The following PKP4 variants were observed in gnomAD, a reference collection of about 807,000 sequenced individuals.
PKP4 encodes the protein plakophilin-4.
PKP4 carries 90 observed loss-of-function variants against 145.1 expected under a neutral mutation model. The ratio of observed to expected loss-of-function variants is 0.62; its 90% CI spans 0.52 to 0.74. The LOEUF (loss-of-function observed/expected upper bound fraction) is 0.74. Among genes scored for constraint, PKP4 ranks in the 30% least tolerant of loss-of-function variants. PKP4 has a pLI of 0.00. For missense variants in PKP4, 1,340 were observed against 1,482.7 expected (o/e 0.90, Z 1.58); for synonymous variants, 563 against 577.2 (o/e 0.98, Z 0.35).
At chr2:158,662,638 T>G in intron 13 of PKP4, 1 of 307,232 alleles carries the variant, frequency 3.3e-6, no homozygotes. Flanking sequence ...AGAGAAACAC[T>G]GGGCCGGAGC....
At chr2:158,565,465 A>G (rs72936974) in intron 2 of PKP4, among the ~76,000 whole-genome samples, 16,569 of 120,942 alleles carry the variant, frequency 0.14, 1,226 homozygotes, top group Middle Eastern at 0.22. Flanking sequence ...TTTCTGCCCT[A>G]TAGATCTAAC....
chr2:158,564,022 T>C (rs764327890), intron 2 of PKP4, among the ~76,000 whole-genome samples: 3 of 152,214 alleles, frequency 2.0e-5, no homozygotes, highest in Admixed American at 6.5e-5. Flanking sequence ...TTTTCTTTTC[T>C]TTCTGCTTAA....
chr2:158,482,439 G>A (rs570275788), intron 1 of PKP4, among the ~76,000 whole-genome samples: 1 of 152,048 alleles, frequency 6.6e-6, no homozygotes, highest in Non-Finnish European at 1.5e-5. Flanking sequence ...ACATACCACC[G>A]CACCTGGTTT....
Position 158,658,251 on chromosome 2 carries a change from A to G in PKP4, c.2030A>G (p.Asp677Gly). ...PHSGWNNSSF[D>G]DDHKIKFQTS... is the part of the protein sequence containing the mutation. ...TCTGGATGGAATAACTCTTCTTTTG[A>G]TGATGATCATAAAATTAAATTTCAG... is the stretch of plus-strand genomic sequence containing the variant. Residue 677 changes from aspartate to glycine, a missense_variant, in exon 12 of 22, where the codon GAT becomes GGT. Coordinates refer to ENST00000389759, the MANE Select transcript of PKP4 (RefSeq NM_003628.6). The G allele has an allele frequency of 1.9e-6, 3 of 1,606,566 alleles. No homozygotes were observed. The highest frequency in any genetic ancestry group is 2.6e-6 in the Non-Finnish European group (3 of 1,173,830).
rs747977498 is a variant in PKP4 at position 158,658,282 on chromosome 2, A to T, written c.2061A>T (p.Ser687=). The part of the protein sequence containing the change: ...DDDHKIKFQT[S]LVLRNTTGCL... Reference sequence around the variant, plus strand: ...ATCATAAAATTAAATTTCAGACTTCACTAGTTCTGCGTAACACGACAGGTT... The same window carrying T: ...ATCATAAAATTAAATTTCAGACTTCTCTAGTTCTGCGTAACACGACAGGTT... The change falls in exon 12 of 22, where the codon TCA becomes TCT. Residue 687 remains serine (S), a synonymous_variant. Coordinates refer to ENST00000389759, the MANE Select transcript of PKP4 (RefSeq NM_003628.6). 1.2e-6 allele frequency: 2 copies of T among 1,606,470 alleles called. No homozygotes were observed. Among genetic ancestry groups the T allele is most frequent in the Admixed American group, 3.4e-5 (2 of 59,466 alleles).
intron 11 of PKP4, among the ~76,000 whole-genome samples, chr2:158,649,283 G>A (rs559759826): frequency 4.6e-5 from 7 of 152,206 alleles, no homozygotes; most frequent in Admixed American, 3.9e-4. Context: ...GGCTGGAGGT[G>A]TTTCTTCCCT....
At chr2:158,471,243 G>C (rs1212084734) in intron 1 of PKP4, among the ~76,000 whole-genome samples, 1 of 152,172 alleles carries the variant, frequency 6.6e-6, no homozygotes, top group Non-Finnish European at 1.5e-5. Context: ...AAAGAAATCA[G>C]GGAGTAAGGA....
intron 7 of PKP4, among the ~76,000 whole-genome samples, chr2:158,630,751 A>G (rs1236005535): frequency 1.3e-5 from 2 of 152,250 alleles, no homozygotes; most frequent in Non-Finnish European, 2.9e-5. Context: ...AGCAGCATGA[A>G]CCACTGCTCA....
intron 3 of PKP4, among the ~76,000 whole-genome samples, chr2:158,600,925 C>T (rs2050173194): frequency 6.6e-6 from 1 of 152,142 alleles, no homozygotes; most frequent in South Asian, 2.1e-4. Context: ...AACCAAAGGT[C>T]CTTTCAGCAG....
intron 3 of PKP4, among the ~76,000 whole-genome samples, chr2:158,585,388 T>G (rs3771624): frequency 0.71 from 108,710 of 152,110 alleles, 40,073 homozygotes; most frequent in Non-Finnish European, 0.8. Context: ...TTAATGAAAA[T>G]ATTTGATTCC....
At chr2:158,590,964 C>T (rs937745958) in intron 3 of PKP4, among the ~76,000 whole-genome samples, 12 of 152,084 alleles carry the variant, frequency 7.9e-5, no homozygotes, top group African/African-American at 2.9e-4. Flanking sequence ...AAGTATGTAA[C>T]GTCACCCATG....
chr2:158,666,678 G>A, intron 16 of PKP4, 115 bp downstream of exon 16: 1 of 854,370 alleles, frequency 1.2e-6, no homozygotes, highest in Non-Finnish European at 1.7e-6. Flanking sequence ...CTGAGCCCTA[G>A]TCTCCAGTTT....
At position 158,533,255 on chromosome 2, in the gene PKP4, C is replaced by T. The variant is rs1302953656; in HGVS notation, c.71C>T (p.Thr24Ile). 6.2e-7 allele frequency: 1 copy of T among 1,614,160 alleles called. No individual in the cohort carries two copies. Among genetic ancestry groups the T allele is most frequent in the Non-Finnish European group, 8.5e-7 (1 of 1,180,028 alleles). Reference sequence around the variant, plus strand: ...CAGACCCGCCAGGAAGCTGCCTCCACTGGCCCAGGCATGGAACCCGAGACC... The same window carrying T: ...CAGACCCGCCAGGAAGCTGCCTCCATTGGCCCAGGCATGGAACCCGAGACC... ...QPQTRQEAAS[T>I]GPGMEPETTA... Residue 24 changes from threonine to isoleucine, a missense_variant, in exon 2 of 22, where the codon ACT (threonine) becomes ATT (isoleucine). Thr to Ile is a moderately conservative substitution (Grantham distance 89). Coordinates refer to ENST00000389759, the MANE Select transcript of PKP4 (RefSeq NM_003628.6).
intron 8 of PKP4, among the ~76,000 whole-genome samples, chr2:158,633,306 A>G (rs898892799): frequency 2.0e-5 from 3 of 152,244 alleles, no homozygotes; most frequent in Non-Finnish European, 4.4e-5. Context: ...CAACAATAAC[A>G]AAGAATGAAA....
chr2:158,643,981 GT>G (rs1175602948), intron 11 of PKP4, among the ~76,000 whole-genome samples: 2 of 152,086 alleles, frequency 1.3e-5, no homozygotes, highest in Non-Finnish European at 2.9e-5. Context: ...GGCCAGACTG[GT>G]CTCCAACTTC....
intron 1 of PKP4, among the ~76,000 whole-genome samples, chr2:158,523,970 T>C (rs2042696819): frequency 1.3e-5 from 1 of 74,478 alleles, no homozygotes; most frequent in Non-Finnish European, 2.6e-5. Flanking sequence ...CTCCAAGAAA[T>C]ATGGGACTAT....
chr2:158,619,054 G>A (rs922278315), intron 4 of PKP4, among the ~76,000 whole-genome samples: 5 of 152,088 alleles, frequency 3.3e-5, no homozygotes, highest in East Asian at 1.9e-4. Flanking sequence ...CAGGGTTTCC[G>A]TCCCTGATGG....
intron 14 of PKP4, 64 bp downstream of exon 14, chr2:158,663,152 T>C: frequency 2.0e-6 from 3 of 1,518,618 alleles, no homozygotes; most frequent in South Asian, 1.3e-5. Context: ...GAATCACATA[T>C]TTGGCAAGAA....
chr2:158,661,704 C>G (rs1282755180), intron 13 of PKP4: 1 of 320,780 alleles, frequency 3.1e-6, no homozygotes, highest in African/African-American at 2.1e-5. Context: ...TAGGCTCATT[C>G]TCAGGGTGGT....
Sources: gnomAD v4.1 joint callset for allele counts (sites outside exome capture counted in the v4.1 genomes callset) on GRCh38, gnomAD v4.1.1 for gene constraint, MANE v1.5 for transcripts, NCBI Gene and HGNC (gene_info 2026-07-23, HGNC 2026-07-21) for gene names.